DAB2IP: variants seen among roughly 807,000 people sequenced by gnomAD.
DAB2IP encodes the protein DAB2 interacting protein, also known as disabled homolog 2-interacting protein.
DAB2IP carries 28 observed loss-of-function variants against 107.2 expected under a neutral mutation model. The ratio of observed to expected loss-of-function variants is 0.26; its 90% CI spans 0.19 to 0.36. The LOEUF (loss-of-function observed/expected upper bound fraction) is 0.36. Among genes scored for constraint, DAB2IP ranks in the 10% least tolerant of loss-of-function variants. The probability of loss-of-function intolerance (pLI) is 1.00; values close to 1 mark genes in which losing one functional copy is unlikely to be tolerated. For synonymous variants in DAB2IP, 755 were observed against 706.4 expected (o/e 1.07, Z -1.09); for missense variants, 1,400 against 1,644.7 (o/e 0.85, Z 2.57).
intron 2 of DAB2IP, among the ~76,000 whole-genome samples, chr9:121,685,690 A>G (rs1175266787): frequency 6.6e-6 from 1 of 152,260 alleles, no homozygotes; most frequent in Non-Finnish European, 1.5e-5. Flanking sequence ...TGCCATCATC[A>G]CCAACTATGT....
intron 1 of DAB2IP, among the ~76,000 whole-genome samples, chr9:121,678,017 AT>A (rs1196358757): frequency 6.6e-6 from 1 of 152,200 alleles, no homozygotes; most frequent in East Asian, 1.9e-4. Context: ...AAAAGTTATC[AT>A]TTTAACTAGT....
intron 1 of DAB2IP, among the ~76,000 whole-genome samples, chr9:121,570,740 G>A (rs1403264007): frequency 6.7e-6 from 1 of 149,374 alleles, no homozygotes; most frequent in African/African-American, 2.5e-5. Context: ...TAGAGACAGG[G>A]TTTGCCCACG....
chr9:121,779,678 A>G (rs1835452536), intron 14 of DAB2IP, among the ~76,000 whole-genome samples: 1 of 152,174 alleles, frequency 6.6e-6, no homozygotes, highest in African/African-American at 2.4e-5. Context: ...TTGGTGCGTC[A>G]CTGCACTCTC....
intron 13 of DAB2IP, 34 bp downstream of exon 13, chr9:121,774,446 G>T: frequency 6.4e-7 from 1 of 1,560,010 alleles, no homozygotes; most frequent in South Asian, 1.2e-5. Context: ...GGGACAGGGC[G>T]GGGCTGCCTC....
At position 121,571,744 on chromosome 9, in the gene DAB2IP, TAGC is replaced by T. The variant is rs572282088; in HGVS notation, c.40+4519_40+4521del. On this transcript the variant is annotated intron_variant, in intron 1 of 16. Coordinates refer to the DAB2IP transcript ENST00000259371. ...TGAAGTTCTGGAGGCCTAAGCCTCT[TAGC>T]AGGCAGGACTGAGCAGAGCCCTATT... Among the ~76,000 whole-genome samples, 410 of 151,960 alleles carry T rather than the reference TAGC, an allele frequency of 2.7e-3. 2 individuals carry two copies. Among genetic ancestry groups the T allele is most frequent in the Non-Finnish European group, 4.6e-3 (311 of 67,978 alleles).
intron 8 of DAB2IP, among the ~76,000 whole-genome samples, chr9:121,765,568 G>C (rs1834219739): frequency 6.6e-6 from 1 of 152,210 alleles, no homozygotes; most frequent in African/African-American, 2.4e-5. Flanking sequence ...GAGCTTGGCA[G>C]GGCAGGCCTT....
chr9:121,695,432 C>T (rs757095796), intron 2 of DAB2IP, among the ~76,000 whole-genome samples: 5 of 152,160 alleles, frequency 3.3e-5, no homozygotes, highest in Non-Finnish European at 5.9e-5. Flanking sequence ...TTCATCCTTC[C>T]CAGGTCCCAT....
At chr9:121,746,083 G>A (rs1426349502) in intron 3 of DAB2IP, among the ~76,000 whole-genome samples, 1 of 152,198 alleles carries the variant, frequency 6.6e-6, no homozygotes, top group African/African-American at 2.4e-5. Context: ...CTCAGCTGTG[G>A]GGGGAGAGTC....
exon 12 of DAB2IP, chr9:121,773,050 T>C: frequency 6.2e-7 from 1 of 1,612,548 alleles, no homozygotes; most frequent in Non-Finnish European, 8.5e-7. Context: ...GGCCTGCCGC[T>C]GTCACCCCGT....
At chr9:121,689,459 G>A (rs1184386441) in intron 2 of DAB2IP, among the ~76,000 whole-genome samples, 1 of 152,140 alleles carries the variant, frequency 6.6e-6, no homozygotes, top group African/African-American at 2.4e-5. Flanking sequence ...GTAGTGAAAA[G>A]GGCTTTTAAA....
chr9:121,748,793 C>G (rs1245926054), intron 3 of DAB2IP, among the ~76,000 whole-genome samples: 3 of 152,224 alleles, frequency 2.0e-5, no homozygotes, highest in African/African-American at 4.8e-5. Flanking sequence ...TCCCATCCTC[C>G]TGTTTTGGTT....
exon 16 of DAB2IP, chr9:121,783,621 G>GT: frequency 6.4e-7 from 1 of 1,573,600 alleles, no homozygotes. Context: ...ATGGGAAATA[G>GT]CGGCCCTGGA....
chr9:121,732,265 T>C, intron 3 of DAB2IP, among the ~76,000 whole-genome samples: 1 of 152,126 alleles, frequency 6.6e-6, no homozygotes, highest in Non-Finnish European at 1.5e-5. Flanking sequence ...GTAAATTTAC[T>C]CTATATTTTT....
At chr9:121,669,444 A>G (rs963287824) in intron 1 of DAB2IP, among the ~76,000 whole-genome samples, 4 of 152,092 alleles carry the variant, frequency 2.6e-5, no homozygotes, top group Non-Finnish European at 5.9e-5. Context: ...AGTGAGGGAG[A>G]GCACGCACCA....
chr9:121,651,336 A>G (rs543176155), upstream of DAB2IP, among the ~76,000 whole-genome samples: 29 of 152,296 alleles, frequency 1.9e-4, no homozygotes, highest in East Asian at 5.2e-3. The surrounding 1 kb of genome is among the most constrained non-coding windows in gnomAD (Gnocchi z 5.1). Context: ...CGGGCTCCGG[A>G]GAGCGCACAA....
chr9:121,664,417 G>A (rs1479628493), intron 1 of DAB2IP, among the ~76,000 whole-genome samples: 1 of 152,184 alleles, frequency 6.6e-6, no homozygotes, highest in Non-Finnish European at 1.5e-5. Flanking sequence ...CATCTTGTCA[G>A]TGTCCTCAAA....
At chr9:121,579,340 G>A (rs766105169) in intron 1 of DAB2IP, among the ~76,000 whole-genome samples, 50 of 151,948 alleles carry the variant, frequency 3.3e-4, no homozygotes, top group Non-Finnish European at 5.6e-4. Flanking sequence ...CCACCCTGAG[G>A]ACCCCACAGT....
At chr9:121,724,571 A>G (rs1439441972) in intron 3 of DAB2IP, among the ~76,000 whole-genome samples, 1 of 152,204 alleles carries the variant, frequency 6.6e-6, no homozygotes, top group Non-Finnish European at 1.5e-5. Flanking sequence ...TAGAACATTT[A>G]TGTCTTGTAC....
chr9:121,614,787 G>A (rs1831215201), intron 1 of DAB2IP, among the ~76,000 whole-genome samples: 1 of 147,884 alleles, frequency 6.8e-6, no homozygotes, highest in South Asian at 2.1e-4. Context: ...AGGCTGGAGT[G>A]CAGTGTTGCG....
Sources: gnomAD v4.1 joint callset for allele counts (sites outside exome capture counted in the v4.1 genomes callset) on GRCh38, gnomAD v4.1.1 for gene constraint, Gnocchi (gnomAD v3.1) non-coding constraint, MANE v1.5 for transcripts, NCBI Gene and HGNC (gene_info 2026-07-23, HGNC 2026-07-21) for gene names.